Variants in CNTN5 observed in about 807,000 individuals in gnomAD.
CNTN5 encodes contactin-5.
Under a neutral mutation model 129.1 loss-of-function variants are expected in CNTN5, and 77 were observed. The observed-to-expected ratio is 0.60, with a 90% CI of 0.50 to 0.72. The LOEUF (loss-of-function observed/expected upper bound fraction) is 0.72. CNTN5 is among the 30% of genes least tolerant of loss of function. The pLI is 0.00. For missense variants in CNTN5, 1,478 were observed against 1,328.8 expected (o/e 1.11, Z -1.75); for synonymous variants, 509 against 465.6 (o/e 1.09, Z -1.20).
chr11:100,152,688 C>T (rs1947109498), intron 13 of CNTN5, among the ~76,000 whole-genome samples: 1 of 152,082 alleles, frequency 6.6e-6, no homozygotes, highest in Admixed American at 6.6e-5. Flanking sequence ...ACTTAAAAGA[C>T]TCAGAAGTAT....
chr11:100,105,759 G>A (rs1442943098), intron 13 of CNTN5, among the ~76,000 whole-genome samples: 1 of 151,768 alleles, frequency 6.6e-6, no homozygotes, highest in African/African-American at 2.4e-5. Context: ...TAGAGTTCTG[G>A]TTCCAATTCA....
intron 8 of CNTN5, among the ~76,000 whole-genome samples, chr11:99,979,335 T>C (rs1197669172): frequency 6.6e-6 from 1 of 152,116 alleles, no homozygotes; most frequent in Non-Finnish European, 1.5e-5. Context: ...TAGAAGCATT[T>C]GCACAGAGGA....
intron 4 of CNTN5, 30 bp downstream of exon 4, chr11:99,819,795 AG>A (rs1435769382): frequency 6.3e-5 from 18 of 287,528 alleles, no homozygotes; most frequent in Non-Finnish European, 8.5e-5. Flanking sequence ...GGCTCCAGAT[AG>A]AATAAAGGAG....
chr11:99,924,843 T>A (rs899430952), intron 7 of CNTN5, among the ~76,000 whole-genome samples: 3 of 152,198 alleles, frequency 2.0e-5, no homozygotes, highest in African/African-American at 7.2e-5. Context: ...TCAATGCAGT[T>A]GTTTTTGGTG....
chr11:100,285,319 C>A (rs2138834805), intron 18 of CNTN5, among the ~76,000 whole-genome samples: 1 of 152,264 alleles, frequency 6.6e-6, no homozygotes, highest in Non-Finnish European at 1.5e-5. Flanking sequence ...TCCCAAGATA[C>A]CCTCACTGTG....
At chr11:99,902,726 C>A (rs1293037722) in intron 6 of CNTN5, among the ~76,000 whole-genome samples, 1 of 152,044 alleles carries the variant, frequency 6.6e-6, no homozygotes, top group Non-Finnish European at 1.5e-5. Context: ...ATTTTAAATA[C>A]CCTTTTAAAT....
chr11:99,602,713 A>C (rs1210486274), intron 3 of CNTN5, among the ~76,000 whole-genome samples: 1 of 151,690 alleles, frequency 6.6e-6, no homozygotes, highest in East Asian at 1.9e-4. Context: ...ACAGCTTTGA[A>C]GAGAGCAGTG....
Position 99,213,785 on chromosome 11 carries a change from A to T in CNTN5, c.-209-111561A>T, listed in dbSNP as rs112877756. 3.5e-3 allele frequency among the ~76,000 whole-genome samples: 528 copies of T among 152,226 alleles called. 4 individuals carry two copies. The highest frequency in any genetic ancestry group is 0.012 in the African/African-American group (513 of 41,564). On this transcript the variant is annotated intron_variant, in intron 1 of 24. Transcript: ENST00000524871. Reference sequence around the variant, plus strand: ...TGCTATTGTCTGCCTAACAGCTGGAATCTATTCAATCAAAGATTATTTGCT... The same window carrying T: ...TGCTATTGTCTGCCTAACAGCTGGATTCTATTCAATCAAAGATTATTTGCT...
At chr11:100,271,363 A>T (rs145800528) in intron 18 of CNTN5, 122 bp downstream of exon 18, 1 of 528,120 alleles carries the variant, frequency 1.9e-6, no homozygotes, top group Non-Finnish European at 3.1e-6. Flanking sequence ...TCATTTACCT[A>T]AACATCATAA....
At chr11:99,661,495 T>C (rs1952590676) in intron 3 of CNTN5, among the ~76,000 whole-genome samples, 1 of 152,102 alleles carries the variant, frequency 6.6e-6, no homozygotes, top group Admixed American at 6.6e-5. Flanking sequence ...TAATCTTAGA[T>C]CCATTTATTA....
At chr11:99,136,472 A>G (rs1268924087) in intron 1 of CNTN5, among the ~76,000 whole-genome samples, 1 of 152,152 alleles carries the variant, frequency 6.6e-6, no homozygotes, top group African/African-American at 2.4e-5. Flanking sequence ...CTAAAATTCA[A>G]AACTACAAAT....
chr11:99,315,362 A>G lies in CNTN5; in HGVS notation c.-209-9984A>G, dbSNP rs575086760. Among the ~76,000 whole-genome samples the G allele has an allele frequency of 7.3e-5, 11 of 149,778 alleles. 2 individuals are homozygous for G. In the South Asian group the frequency reaches 2.3e-3, roughly 32 times the overall value. On this transcript the variant is annotated intron_variant, in intron 1 of 24. Transcript: ENST00000524871. ...AGGCTTGTTGGTAAGGAAACCATAA[A>G]CATGTTATAGTTTAAAGGGCAAGAT...
intron 8 of CNTN5, among the ~76,000 whole-genome samples, chr11:99,995,010 A>G (rs1939351731): frequency 6.6e-6 from 1 of 152,320 alleles, no homozygotes; most frequent in East Asian, 1.9e-4. Flanking sequence ...TGATAAAGAG[A>G]GAAGAAGTCG....
chr11:100,257,908 C>A (rs1316947830), intron 17 of CNTN5, among the ~76,000 whole-genome samples: 1 of 152,092 alleles, frequency 6.6e-6, no homozygotes, highest in Non-Finnish European at 1.5e-5. Context: ...AACTCCTCGC[C>A]AGCAAGGGAA....
At chr11:100,334,959 A>AT (rs1447237014) in intron 21 of CNTN5, among the ~76,000 whole-genome samples, 4 of 139,552 alleles carry the variant, frequency 2.9e-5, no homozygotes, top group African/African-American at 5.7e-5. Flanking sequence ...AAATTAGACA[A>AT]TTTTTTTTTA....
At chr11:99,271,338 C>A (rs538992509) in intron 1 of CNTN5, among the ~76,000 whole-genome samples, 1 of 151,794 alleles carries the variant, frequency 6.6e-6, no homozygotes, top group Non-Finnish European at 1.5e-5. Flanking sequence ...TATTAATGCT[C>A]ATCCTGGAAA....
intron 3 of CNTN5, among the ~76,000 whole-genome samples, chr11:99,596,641 C>T (rs1565333757): frequency 6.6e-6 from 1 of 152,082 alleles, no homozygotes; most frequent in African/African-American, 2.4e-5. Flanking sequence ...TACTTGGTAC[C>T]ATTACATAAA....
intron 2 of CNTN5, among the ~76,000 whole-genome samples, chr11:99,330,166 G>A (rs1254346566): frequency 6.7e-6 from 1 of 148,834 alleles, no homozygotes; most frequent in Non-Finnish European, 1.5e-5. Flanking sequence ...GGAAGGAAGG[G>A]AGGGAGGGGA....
chr11:100,191,521 T>TAGTC (rs1948493157), intron 14 of CNTN5, among the ~76,000 whole-genome samples: 1 of 152,086 alleles, frequency 6.6e-6, no homozygotes, highest in Non-Finnish European at 1.5e-5. Flanking sequence ...TCTGAAGTTT[T>TAGTC]AGTCAGTGTC....
Sources: allele counts gnomAD v4.1 joint callset (sites outside exome capture counted in the v4.1 genomes callset), GRCh38; gene constraint gnomAD v4.1.1; transcripts MANE v1.5; gene names NCBI Gene and HGNC (gene_info 2026-07-23, HGNC 2026-07-21).